NR3C2: variants seen among roughly 807,000 people sequenced by gnomAD.
NR3C2 encodes the protein nuclear receptor subfamily 3 group C member 2.
Under a neutral mutation model 86.4 loss-of-function variants are expected in NR3C2, and 15 were observed. The observed-to-expected ratio is 0.17, with a 90% CI of 0.12 to 0.27. NR3C2 has a LOEUF of 0.27. NR3C2 is among the 10% of genes least tolerant of loss of function. The pLI is 1.00. For synonymous variants in NR3C2, 458 were observed against 450.5 expected (o/e 1.02, Z -0.21); for missense variants, 960 against 1,195.6 (o/e 0.80, Z 2.91).
At chr4:148,186,348 A>T (rs534526688) in intron 4 of NR3C2, among the ~76,000 whole-genome samples, 22 of 152,196 alleles carry the variant, frequency 1.4e-4, no homozygotes, top group African/African-American at 5.3e-4. Flanking sequence ...GGAGCTCTTT[A>T]TCTGTGAGAA....
At chr4:148,338,646 C>T (rs1228840099) in intron 2 of NR3C2, among the ~76,000 whole-genome samples, 4 of 152,078 alleles carry the variant, frequency 2.6e-5, no homozygotes, top group Admixed American at 6.6e-5. Flanking sequence ...TTGGTCACGG[C>T]ACAAAGGAGC....
chr4:148,237,322 T>C (rs1738795095), intron 3 of NR3C2, among the ~76,000 whole-genome samples: 1 of 152,116 alleles, frequency 6.6e-6, no homozygotes, highest in African/African-American at 2.4e-5. Context: ...AAATTAGAAA[T>C]CCAAAATAGA....
intron 2 of NR3C2, among the ~76,000 whole-genome samples, chr4:148,274,758 C>T (rs540645014): frequency 8.3e-5 from 12 of 144,558 alleles, no homozygotes; most frequent in Non-Finnish European, 1.5e-4. Context: ...AGTGCAATGG[C>T]GTGATTTCGG....
At chr4:148,371,528 T>C (rs549427344) in intron 2 of NR3C2, among the ~76,000 whole-genome samples, 2 of 152,082 alleles carry the variant, frequency 1.3e-5, no homozygotes, top group Admixed American at 1.3e-4. Flanking sequence ...TAAATAACCA[T>C]ATCCCATGTT....
rs140855391 is a variant in NR3C2, at chr4:148,103,143, C to T, written c.2799+10961G>A. On this transcript the variant is annotated intron_variant, in intron 8 of 8. Transcript: ENST00000358102. Reference sequence around the variant, plus strand: ...GCAAACCCCGACTTGACTTTTGGGTCGCAGCTAAGCAGTCTTTTCCCTTGC... The same window carrying T: ...GCAAACCCCGACTTGACTTTTGGGTTGCAGCTAAGCAGTCTTTTCCCTTGC... 6.2e-3 allele frequency among the ~76,000 whole-genome samples: 941 copies of T among 152,312 alleles called. 9 individuals carry two copies. Among genetic ancestry groups the T allele is most frequent in the African/African-American group, 0.021 (866 of 41,564 alleles).
intron 3 of NR3C2, among the ~76,000 whole-genome samples, chr4:148,218,558 T>C (rs891889940): frequency 6.6e-6 from 1 of 152,142 alleles, no homozygotes; most frequent in Non-Finnish European, 1.5e-5. Flanking sequence ...AAGTTATTTT[T>C]CCCCATTTTA....
intron 2 of NR3C2, among the ~76,000 whole-genome samples, chr4:148,341,556 A>G (rs989594494): frequency 6.6e-6 from 1 of 152,114 alleles, no homozygotes; most frequent in African/African-American, 2.4e-5. Flanking sequence ...TAGGGCAACT[A>G]TAATAAATAT....
Position 148,436,211 on chromosome 4 carries a change from G to A in NR3C2, c.650C>T (p.Thr217Ile). 6.2e-7 allele frequency: 1 copy of A among 1,614,198 alleles called. No homozygotes were observed. The highest frequency in any genetic ancestry group is 8.5e-7 in the Non-Finnish European group (1 of 1,180,036). The change falls in exon 2 of 9, where the codon ACA becomes ATA. Residue 217 changes from threonine (T) to isoleucine (I), a missense_variant. Physicochemically the swap from Thr to Ile is moderately conservative, Grantham distance 89 (BLOSUM62 -1). Transcript: ENST00000358102. ...CACTGGAAAACTGCCAAAGCTGGCT[G>A]TGGTGGAGGACACAGAGTTGATTCC... The part of the protein sequence containing the change: ...PAGINSVSST[T>I]ASFGSFPVHS...
chr4:148,219,933 CTTTG>C (rs1484669824), intron 3 of NR3C2, among the ~76,000 whole-genome samples: 3 of 152,066 alleles, frequency 2.0e-5, no homozygotes, highest in Admixed American at 2.0e-4. Context: ...ATAATTTTTT[CTTTG>C]TTTGAGACAG....
At chr4:148,345,945 G>C (rs189426800) in intron 2 of NR3C2, among the ~76,000 whole-genome samples, 2 of 152,088 alleles carry the variant, frequency 1.3e-5, no homozygotes, top group Non-Finnish European at 2.9e-5. Context: ...TGAGGAGACC[G>C]ATCTAGGCCA....
At chr4:148,318,092 T>C (rs1743316708) in intron 2 of NR3C2, among the ~76,000 whole-genome samples, 1 of 148,028 alleles carries the variant, frequency 6.8e-6, no homozygotes, top group Admixed American at 6.9e-5. Flanking sequence ...GATCTTACTG[T>C]TCAATTCCCA....
chr4:148,086,397 A>G (rs1438238027), intron 8 of NR3C2, among the ~76,000 whole-genome samples: 3 of 152,204 alleles, frequency 2.0e-5, no homozygotes, highest in African/African-American at 7.2e-5. Context: ...ATCTCAATAG[A>G]TGCAGAAAAG....
At chr4:148,362,220 C>A (rs1029581270) in intron 2 of NR3C2, among the ~76,000 whole-genome samples, 2 of 152,126 alleles carry the variant, frequency 1.3e-5, no homozygotes, top group African/African-American at 4.8e-5. Flanking sequence ...GCATTATTTC[C>A]TTTTAGGTAA....
chr4:148,178,243 A>G (rs562396718), intron 4 of NR3C2, among the ~76,000 whole-genome samples: 25 of 151,846 alleles, frequency 1.6e-4, no homozygotes, highest in Non-Finnish European at 3.2e-4. Context: ...AGGTATGAGA[A>G]TCACTTGAAC....
intron 4 of NR3C2, among the ~76,000 whole-genome samples, chr4:148,156,358 A>G (rs535433753): frequency 2.3e-4 from 35 of 152,074 alleles, no homozygotes; most frequent in Non-Finnish European, 3.8e-4. Context: ...TTTGCAACCT[A>G]CTCATCTGAC....
chr4:148,400,778 C>CA lies in NR3C2; in HGVS notation c.1757+34325dup, dbSNP rs34623514. 4.4e-3 allele frequency among the ~76,000 whole-genome samples: 369 copies of CA among 84,346 alleles called. 7 individuals are homozygous for CA. The highest frequency in any genetic ancestry group is 8.0e-3 in the African/African-American group (177 of 22,010). The allele number at this position is 84,346 out of a possible 152,430, so 55.3% of individuals were successfully genotyped here. On this transcript the variant is annotated intron_variant, in intron 2 of 8. Coordinates refer to ENST00000358102, the MANE Select transcript of NR3C2 (RefSeq NM_000901.5). The stretch of plus-strand genomic sequence containing the variant: ...TGGGCGACTGAGTGAGACTCCGTCT[C>CA]AAAAAAAAAAAAAAAAAAAAAAAAA...
At chr4:148,234,808 A>G (rs556087859) in intron 3 of NR3C2, among the ~76,000 whole-genome samples, 145 of 151,770 alleles carry the variant, frequency 9.6e-4, no homozygotes, top group Middle Eastern at 3.4e-3. Flanking sequence ...TTCTCCCTCT[A>G]TTTTCTTATT....
At chr4:148,323,575 C>G (rs906314828) in intron 2 of NR3C2, among the ~76,000 whole-genome samples, 6 of 152,042 alleles carry the variant, frequency 3.9e-5, no homozygotes, top group South Asian at 2.1e-4. Context: ...GGGACATAAT[C>G]TCGTGGTGCG....
chr4:148,412,835 A>ACG (rs1748776360), intron 2 of NR3C2, among the ~76,000 whole-genome samples: 1 of 121,718 alleles, frequency 8.2e-6, no homozygotes, highest in African/African-American at 2.7e-5. Context: ...ACACACACAC[A>ACG]CACACACCCC....
Sources: gnomAD v4.1 joint callset for allele counts (sites outside exome capture counted in the v4.1 genomes callset) on GRCh38, gnomAD v4.1.1 for gene constraint, MANE v1.5 for transcripts, NCBI Gene and HGNC (gene_info 2026-07-23, HGNC 2026-07-21) for gene names.